Variants in LRRC4C observed in about 807,000 individuals in gnomAD.
The protein encoded by LRRC4C is leucine-rich repeat-containing protein 4C.
LRRC4C carries 5 observed loss-of-function variants against 33.6 expected under a neutral mutation model. The ratio of observed to expected loss-of-function variants is 0.15; its 90% CI spans 0.08 to 0.31. LRRC4C has a LOEUF of 0.31. LRRC4C is among the 10% of genes least tolerant of loss of function. The pLI is 1.00. For missense variants in LRRC4C, 560 were observed against 796.7 expected (o/e 0.70, Z 3.58); for synonymous variants, 329 against 302.0 (o/e 1.09, Z -0.93).
intron 2 of LRRC4C, among the ~76,000 whole-genome samples, chr11:40,893,534 A>G (rs914518160): frequency 6.6e-6 from 1 of 152,086 alleles, no homozygotes; most frequent in Non-Finnish European, 1.5e-5. Flanking sequence ...ACATAAATAT[A>G]TGTGCCCTAC....
At chr11:40,866,286 A>T (rs1165433467) in intron 2 of LRRC4C, among the ~76,000 whole-genome samples, 12 of 152,154 alleles carry the variant, frequency 7.9e-5, no homozygotes, top group African/African-American at 2.9e-4. Flanking sequence ...GGAAATACAG[A>T]AAAGATATTT....
intron 3 of LRRC4C, among the ~76,000 whole-genome samples, chr11:40,542,530 C>A (rs1591053583): frequency 6.6e-6 from 1 of 152,100 alleles, no homozygotes; most frequent in African/African-American, 2.4e-5. Context: ...ATTGTAGGTT[C>A]TTCTCTGTTT....
At chr11:40,549,350 G>A (rs189089855) in intron 3 of LRRC4C, among the ~76,000 whole-genome samples, 31 of 152,180 alleles carry the variant, frequency 2.0e-4, no homozygotes, top group Middle Eastern at 3.4e-3. Flanking sequence ...AACCAGGAGC[G>A]CAGACAGAGC....
Position 40,991,126 on chromosome 11 carries a change from T to C in LRRC4C, c.-495-57403A>G, listed in dbSNP as rs569895896. Among the ~76,000 whole-genome samples the C allele has an allele frequency of 7.8e-5, 11 of 141,324 alleles. No individual in the cohort carries two copies. The East Asian group carries it at 2.1e-3, about 27-fold the overall frequency. 92.7% of individuals were successfully genotyped at this position (141,324 alleles called of 152,430 possible). On this transcript the variant is annotated intron_variant, in intron 1 of 6. Transcript: ENST00000528697. The stretch of plus-strand genomic sequence containing the variant: ...GACATTATTTATCACTATGATAAAA[T>C]GTGATCTTTCAAAGCAAAAAATCAG...
At chr11:41,282,565 C>A (rs879873816) in intron 1 of LRRC4C, among the ~76,000 whole-genome samples, 4 of 152,200 alleles carry the variant, frequency 2.6e-5, no homozygotes, top group African/African-American at 4.8e-5. Context: ...TACGTGAAGA[C>A]AGTCCTCCTC....
At chr11:41,233,558 A>G (rs1375451139) in intron 1 of LRRC4C, among the ~76,000 whole-genome samples, 1 of 152,078 alleles carries the variant, frequency 6.6e-6, no homozygotes, top group Non-Finnish European at 1.5e-5. Flanking sequence ...AGAAGAAAAT[A>G]CATTACGATA....
Position 40,918,307 on chromosome 11 carries a change from G to A in LRRC4C, c.-407+15328C>T, listed in dbSNP as rs568416086. Among the ~76,000 whole-genome samples the A allele has an allele frequency of 1.6e-4, 24 of 152,108 alleles. No individual in the cohort carries two copies. In the East Asian group the frequency reaches 3.5e-3, roughly 22 times the overall value. On this transcript the variant is annotated intron_variant, in intron 2 of 6. Transcript: ENST00000528697. Reference sequence around the variant, plus strand: ...TAATATGTGGGATATGTGTGTGCATGTGTGTGTGTGCACCTTTGTGCATGT... The same window carrying A: ...TAATATGTGGGATATGTGTGTGCATATGTGTGTGTGCACCTTTGTGCATGT...
At chr11:40,485,647 A>C (rs889472146) in intron 3 of LRRC4C, among the ~76,000 whole-genome samples, 6 of 152,118 alleles carry the variant, frequency 3.9e-5, no homozygotes, top group Non-Finnish European at 7.4e-5. Flanking sequence ...CAGCAATCCC[A>C]TTAATGGGTA....
At chr11:40,707,594 C>A (rs1303944008) in intron 2 of LRRC4C, among the ~76,000 whole-genome samples, 1 of 152,184 alleles carries the variant, frequency 6.6e-6, no homozygotes, top group Non-Finnish European at 1.5e-5. Flanking sequence ...TTTTGATGTG[C>A]TGCTGGATTT....
chr11:40,701,884 C>T (rs1945878452), intron 2 of LRRC4C, among the ~76,000 whole-genome samples: 1 of 151,602 alleles, frequency 6.6e-6, no homozygotes. Flanking sequence ...GGAAAATGTG[C>T]TACATGGTTT....
chr11:40,689,088 G>A (rs951742653), intron 2 of LRRC4C, among the ~76,000 whole-genome samples: 1 of 151,700 alleles, frequency 6.6e-6, no homozygotes, highest in East Asian at 1.9e-4. Context: ...GATAAGAAAC[G>A]ACAGTGCTAT....
intron 4 of LRRC4C, chr11:40,293,632 A>C (rs993964154): frequency 6.6e-6 from 1 of 152,384 alleles, no homozygotes; most frequent in Non-Finnish European, 1.5e-5. Context: ...AAAAAGAAGA[A>C]AAAAAGAAAA....
chr11:40,365,728 C>A (rs1948179544), intron 3 of LRRC4C, among the ~76,000 whole-genome samples: 1 of 151,924 alleles, frequency 6.6e-6, no homozygotes, highest in Admixed American at 6.6e-5. Context: ...AAATGCCAAC[C>A]TTGACATAGT....
At chr11:41,000,071 G>GA (rs1361750874) in intron 1 of LRRC4C, among the ~76,000 whole-genome samples, 3 of 151,950 alleles carry the variant, frequency 2.0e-5, no homozygotes, top group African/African-American at 4.8e-5. Context: ...GCATGCTAAA[G>GA]AAAAAAACAA....
chr11:40,866,095 T>A (rs1215805719), intron 2 of LRRC4C, among the ~76,000 whole-genome samples: 1 of 151,306 alleles, frequency 6.6e-6, no homozygotes, highest in Non-Finnish European at 1.5e-5. Context: ...TATGGTCTGA[T>A]CTTTATATAG....
intron 1 of LRRC4C, among the ~76,000 whole-genome samples, chr11:40,975,256 C>G (rs1319089255): frequency 6.6e-6 from 1 of 152,088 alleles, no homozygotes; most frequent in Non-Finnish European, 1.5e-5. Flanking sequence ...ATAAATATAA[C>G]CCAAGCCAAG....
intron 3 of LRRC4C, among the ~76,000 whole-genome samples, chr11:40,383,964 G>A (rs1222800849): frequency 8.8e-6 from 1 of 114,144 alleles, no homozygotes; most frequent in African/African-American, 2.8e-5. Context: ...TTGCTGTTGA[G>A]TTGTATGTGT....
chr11:41,302,318 A>G (rs1311174878), intron 1 of LRRC4C, among the ~76,000 whole-genome samples: 1 of 152,240 alleles, frequency 6.6e-6, no homozygotes, highest in Non-Finnish European at 1.5e-5. Flanking sequence ...TGCATTACTC[A>G]GAAACAAGGG....
At chr11:40,188,857 T>G (rs551982333) in intron 5 of LRRC4C, among the ~76,000 whole-genome samples, 1 of 152,362 alleles carries the variant, frequency 6.6e-6, no homozygotes, top group African/African-American at 2.4e-5. Flanking sequence ...AAAGCTTTCT[T>G]TGTGCACACC....
Sources: allele counts gnomAD v4.1 joint callset (sites outside exome capture counted in the v4.1 genomes callset), GRCh38; gene constraint gnomAD v4.1.1; transcripts MANE v1.5; gene names NCBI Gene and HGNC (gene_info 2026-07-23, HGNC 2026-07-21).